MAP3K4: variants seen among roughly 807,000 people sequenced by gnomAD.
MAP3K4 encodes mitogen-activated protein kinase kinase kinase 4, also known as MAP three kinase 1.
MAP3K4 carries 67 observed loss-of-function variants against 185.6 expected under a neutral mutation model. The ratio of observed to expected loss-of-function variants is 0.36; its 90% CI spans 0.30 to 0.44. MAP3K4 has a LOEUF of 0.44. MAP3K4 is among the 20% of genes least tolerant of loss of function. The pLI is 1.00. For missense variants in MAP3K4, 1,551 were observed against 1,995.1 expected (o/e 0.78, Z 4.24); for synonymous variants, 702 against 710.4 (o/e 0.99, Z 0.19).
rs1344941882 is a variant in MAP3K4, at chr6:161,070,170, T to C, written c.1708-438T>C. 1.3e-5 allele frequency among the ~76,000 whole-genome samples: 2 copies of C among 152,238 alleles called. No individual in the cohort carries two copies. Among genetic ancestry groups the C allele is most frequent in the African/African-American group, 4.8e-5 (2 of 41,466 alleles). On this transcript the variant is annotated intron_variant, in intron 3 of 26. Coordinates refer to ENST00000392142, the MANE Select transcript of MAP3K4 (RefSeq NM_005922.4). The surrounding 1 kb of genome is among the most constrained non-coding windows in gnomAD (Gnocchi z 4.5). The stretch of plus-strand genomic sequence containing the variant: ...TAGTTTTTATGTTTTCATAAATGGC[T>C]ACTTAGGATGAGCTGTTATTTGATT...
rs944924368 is a variant in MAP3K4 at position 161,043,731 on chromosome 6, T to G, written c.344-4885T>G. On this transcript the variant is annotated intron_variant, in intron 2 of 26. Coordinates refer to ENST00000392142, the MANE Select transcript of MAP3K4 (RefSeq NM_005922.4). This position sits in a 1 kb window ranked among gnomAD's most constrained non-coding sequence, Gnocchi z 4.3. ...GAACGCAGTGATTTCGAACATACAC[T>G]GAAATTTGAGAAGCTTGAGCTAGAT... 6.6e-6 allele frequency among the ~76,000 whole-genome samples: 1 copy of G among 152,222 alleles called. No individual in the cohort carries two copies. The highest frequency in any genetic ancestry group is 2.4e-5 in the African/African-American group (1 of 41,466).
chr6:160,993,463 C>G (rs657551), intron 1 of MAP3K4, among the ~76,000 whole-genome samples: 14,173 of 152,102 alleles, frequency 0.093, 840 homozygotes, highest in Non-Finnish European at 0.13. Context: ...TGAGGTAGGT[C>G]CTGTTATACT....
At chr6:160,995,037 T>C (rs1780927313) in intron 1 of MAP3K4, among the ~76,000 whole-genome samples, 1 of 152,206 alleles carries the variant, frequency 6.6e-6, no homozygotes, top group Non-Finnish European at 1.5e-5. Flanking sequence ...TCCACAGTAG[T>C]TGTACTAGTT....
chr6:161,042,878 G>A (rs987868836), intron 2 of MAP3K4, among the ~76,000 whole-genome samples: 1 of 150,530 alleles, frequency 6.6e-6, no homozygotes, highest in Admixed American at 6.7e-5. Flanking sequence ...CAGAAGTAGA[G>A]CAAATATTTT....
Position 161,070,721 on chromosome 6 carries a change from G to T in MAP3K4, c.1821G>T (p.Met607Ile). ...SAVSWEELKA[M>I]DLPSFEPAFL... ...TGTCGTGGGAGGAGCTGAAGGCCAT[G>T]GATTTACCTTCATTCGAACCTGCCT... Residue 607 changes from methionine to isoleucine, a missense_variant, in exon 4 of 27, where the codon ATG becomes ATT. Transcript: ENST00000392142. The surrounding 1 kb of genome is among the most constrained non-coding windows in gnomAD (Gnocchi z 4.5). 1 of 1,614,090 alleles carries T rather than the reference G, an allele frequency of 6.2e-7. No individual in the cohort carries two copies. Among genetic ancestry groups the T allele is most frequent in the East Asian group, 2.2e-5 (1 of 44,874 alleles).
In MAP3K4 at chr6:161,022,533, T is replaced by A. The variant is rs1280215101; in HGVS notation, c.153-11726T>A. Among the ~76,000 whole-genome samples, 1 of 152,208 alleles carries A rather than the reference T, an allele frequency of 6.6e-6. No homozygotes were observed. Reference sequence around the variant, plus strand: ...TCCTGGTCTCTCTCTCATGCTATGCTCTCTCTCCACCTGGAGGGACTTTGT... The same window carrying A: ...TCCTGGTCTCTCTCTCATGCTATGCACTCTCTCCACCTGGAGGGACTTTGT... On this transcript the variant is annotated intron_variant, in intron 1 of 26. Coordinates refer to ENST00000392142, the MANE Select transcript of MAP3K4 (RefSeq NM_005922.4). The surrounding 1 kb of genome is among the most constrained non-coding windows in gnomAD (Gnocchi z 4.2).
chr6:161,087,673 T>C lies in MAP3K4; in HGVS notation c.2557-15T>C. On this transcript the variant is annotated splice_polypyrimidine_tract_variant and intron_variant, in intron 9 of 26. Transcript: ENST00000392142. The surrounding 1 kb of genome is among the most constrained non-coding windows in gnomAD (Gnocchi z 4.9). ...GTACAGTGTTCCTTAAGATTTTGGATTATGTCTTTTGCAGGTGCAAATTCC... is the reference window on the plus strand; with the variant it reads ...GTACAGTGTTCCTTAAGATTTTGGACTATGTCTTTTGCAGGTGCAAATTCC... 2 of 1,613,204 alleles carry C rather than the reference T, an allele frequency of 1.2e-6. No individual in the cohort carries two copies. Among genetic ancestry groups the C allele is most frequent in the Non-Finnish European group, 1.7e-6 (2 of 1,179,768 alleles).
At position 161,061,900 on chromosome 6, in the gene MAP3K4, G is replaced by A. The variant is rs1027199084; in HGVS notation, c.1708-8708G>A. Among the ~76,000 whole-genome samples, 1 of 152,000 alleles carries A rather than the reference G, an allele frequency of 6.6e-6. No homozygotes were observed. Among genetic ancestry groups the A allele is most frequent in the Non-Finnish European group, 1.5e-5 (1 of 67,980 alleles). On this transcript the variant is annotated intron_variant, in intron 3 of 26. Transcript: ENST00000392142. The surrounding 1 kb of genome is among the most constrained non-coding windows in gnomAD (Gnocchi z 4.2). ...ATTTTTAGGTATTGGTTTTTAATTT[G>A]TTTTTATAAGAATTATGTGAAGTAC...
rs144150650 is a variant in MAP3K4, at chr6:161,057,773, C to T, written c.1707+7794C>T. The stretch of plus-strand genomic sequence containing the variant: ...GTTTCAATCATTCCCTGTCTGATTT[C>T]ATAAGATTACAAGAACTTTGTAATT... On this transcript the variant is annotated intron_variant, in intron 3 of 26. Coordinates refer to ENST00000392142, the MANE Select transcript of MAP3K4 (RefSeq NM_005922.4). 7.0e-3 allele frequency among the ~76,000 whole-genome samples: 1,066 copies of T among 152,312 alleles called. 9 individuals are homozygous for T. Among genetic ancestry groups the T allele is most frequent in the African/African-American group, 0.024 (1,014 of 41,556 alleles).
chr6:161,059,805 T>C (rs1350142894), intron 3 of MAP3K4, among the ~76,000 whole-genome samples: 1 of 152,102 alleles, frequency 6.6e-6, no homozygotes, highest in African/African-American at 2.4e-5. Flanking sequence ...ATAATGTCCA[T>C]GTGTTATCAT....
At chr6:161,042,835 A>G (rs772547845) in intron 2 of MAP3K4, among the ~76,000 whole-genome samples, 15 of 152,174 alleles carry the variant, frequency 9.9e-5, no homozygotes, top group Non-Finnish European at 2.1e-4. Context: ...TAGCACTGCC[A>G]TAGCGGGATG....
At chr6:161,079,675 C>G (rs1408145389) in intron 5 of MAP3K4, among the ~76,000 whole-genome samples, 1 of 152,156 alleles carries the variant, frequency 6.6e-6, no homozygotes, top group Non-Finnish European at 1.5e-5. Flanking sequence ...TGGGGGAGCT[C>G]ACCAAGAAGT....
chr6:161,015,565 G>C (rs588284), intron 1 of MAP3K4, among the ~76,000 whole-genome samples: 141,561 of 152,180 alleles, frequency 0.93, 66,138 homozygotes, highest in African/African-American at 0.95. Flanking sequence ...GGTTCGTCAG[G>C]CTGTACAAGA....
In MAP3K4 at chr6:161,008,545, G is replaced by A. The variant is rs1562477817; in HGVS notation, c.152+16462G>A. Among the ~76,000 whole-genome samples the A allele has an allele frequency of 6.6e-6, 1 of 152,130 alleles. No homozygotes were observed. Among genetic ancestry groups the A allele is most frequent in the Non-Finnish European group, 1.5e-5 (1 of 68,014 alleles). On this transcript the variant is annotated intron_variant, in intron 1 of 26. Coordinates refer to ENST00000392142, the MANE Select transcript of MAP3K4 (RefSeq NM_005922.4). This position sits in a 1 kb window ranked among gnomAD's most constrained non-coding sequence, Gnocchi z 4.1. ...AGCTGGCAGTTGACCAATTATGTAG[G>A]ACCTTGTAGTTTCCCCTCTACTTTG...
rs1033468321 is a variant in MAP3K4, at chr6:161,076,502, G to A, written c.2097+2890G>A. The stretch of plus-strand genomic sequence containing the variant: ...TGTAGGTCAAAGGAAGTAACTTGGT[G>A]AGCATTTGGAACATCAAATCTAAAT... On this transcript the variant is annotated intron_variant, in intron 5 of 26. Transcript: ENST00000392142. The surrounding 1 kb of genome is among the most constrained non-coding windows in gnomAD (Gnocchi z 4.2). 6.6e-6 allele frequency among the ~76,000 whole-genome samples: 1 copy of A among 152,232 alleles called. No individual in the cohort carries two copies. Among genetic ancestry groups the A allele is most frequent in the African/African-American group, 2.4e-5 (1 of 41,454 alleles).
Position 161,086,127 on chromosome 6 carries a change from C to G in MAP3K4, c.2373-252C>G, listed in dbSNP as rs1248020483. On this transcript the variant is annotated intron_variant, in intron 7 of 26. Transcript: ENST00000392142. The surrounding 1 kb of genome is among the most constrained non-coding windows in gnomAD (Gnocchi z 4.8). Reference sequence around the variant, plus strand: ...TGAAATGTTAAGAAAATTGAGCTTCCTATTATTTGAAGGTTATTAAATGTG... The same window carrying G: ...TGAAATGTTAAGAAAATTGAGCTTCGTATTATTTGAAGGTTATTAAATGTG... 6.6e-6 allele frequency among the ~76,000 whole-genome samples: 1 copy of G among 152,088 alleles called. No homozygotes were observed. The highest frequency in any genetic ancestry group is 1.5e-5 in the Non-Finnish European group (1 of 68,024).
intron 1 of MAP3K4, among the ~76,000 whole-genome samples, chr6:161,027,798 T>G (rs1782744279): frequency 6.6e-6 from 1 of 152,200 alleles, no homozygotes; most frequent in Non-Finnish European, 1.5e-5. Flanking sequence ...TAAAAACCAT[T>G]TATTAGCTGT....
chr6:160,992,954 CT>C (rs760450346), intron 1 of MAP3K4, among the ~76,000 whole-genome samples: 8 of 152,112 alleles, frequency 5.3e-5, no homozygotes, highest in African/African-American at 1.2e-4. Context: ...CTGCTGCCCC[CT>C]GTCCCCTGTA....
At chr6:161,001,971 T>C (rs1344964052) in intron 1 of MAP3K4, among the ~76,000 whole-genome samples, 1 of 152,062 alleles carries the variant, frequency 6.6e-6, no homozygotes, top group Non-Finnish European at 1.5e-5. Context: ...CTGGATACTT[T>C]TAAAAATAGC....
Sources: gnomAD v4.1 joint callset for allele counts (sites outside exome capture counted in the v4.1 genomes callset) on GRCh38, gnomAD v4.1.1 for gene constraint, Gnocchi (gnomAD v3.1) non-coding constraint, MANE v1.5 for transcripts, NCBI Gene and HGNC (gene_info 2026-07-23, HGNC 2026-07-21) for gene names.